The following ECPAS variants were observed in gnomAD, a reference collection of about 807,000 sequenced individuals.
ECPAS encodes Ecm29 proteasome adaptor and scaffold, also known as proteasome adapter and scaffold protein ECM29.
ECPAS carries 70 observed loss-of-function variants against 255.1 expected under a neutral mutation model. That is an observed-to-expected ratio of 0.27 (90% CI 0.23 to 0.33). ECPAS has a LOEUF of 0.33. Among genes scored for constraint, ECPAS ranks in the 10% least tolerant of loss-of-function variants. The pLI is 1.00. For synonymous variants in ECPAS, 784 were observed against 775.0 expected (o/e 1.01, Z -0.19); for missense variants, 1,817 against 2,206.4 (o/e 0.82, Z 3.54).
chr9:111,365,542 T>G (rs2098119417), intron 48 of ECPAS: 1 of 152,738 alleles, frequency 6.5e-6, no homozygotes, highest in South Asian at 2.1e-4. Context: ...AGTACACACT[T>G]GTAATCCCAG....
chr9:111,469,812 AAAAAAAAAGACGCCATCTC>A (rs2098284635), intron 2 of ECPAS, among the ~76,000 whole-genome samples: 1 of 152,126 alleles, frequency 6.6e-6, no homozygotes, highest in Admixed American at 6.5e-5. Flanking sequence ...CTGTCTCAAA[AAAAAAAAAGACGCCATCTC>A]AAAAAAAAGA....
At chr9:111,482,232 C>T (rs1405617091) in intron 1 of ECPAS, among the ~76,000 whole-genome samples, 8 of 152,300 alleles carry the variant, frequency 5.3e-5, no homozygotes, top group African/African-American at 4.8e-5. Flanking sequence ...CACCATGAGA[C>T]CTTGTCTCCT....
At chr9:111,441,910 C>A (rs1306733193) in intron 5 of ECPAS, among the ~76,000 whole-genome samples, 1 of 152,204 alleles carries the variant, frequency 6.6e-6, no homozygotes, top group Non-Finnish European at 1.5e-5. Flanking sequence ...TTCACCGCAC[C>A]ACTTCCCAAA....
chr9:111,407,468 T>G (rs1336392279), intron 24 of ECPAS, among the ~76,000 whole-genome samples: 1 of 119,126 alleles, frequency 8.4e-6, no homozygotes, highest in Non-Finnish European at 1.8e-5. Flanking sequence ...ACTCAGGGAT[T>G]CAAAAAAGGA....
chr9:111,406,230 G>A (rs760629472), intron 24 of ECPAS, among the ~76,000 whole-genome samples: 21 of 149,482 alleles, frequency 1.4e-4, no homozygotes, highest in Admixed American at 3.3e-4. Context: ...CAACATAGAT[G>A]GAACCGGAGG....
chr9:111,473,324 CTG>C (rs1257952945), intron 1 of ECPAS, among the ~76,000 whole-genome samples: 1 of 152,052 alleles, frequency 6.6e-6, no homozygotes, highest in African/African-American at 2.4e-5. Flanking sequence ...AATATATAAA[CTG>C]TTACATTAAT....
chr9:111,391,234 T>C (rs2098159517), intron 29 of ECPAS, among the ~76,000 whole-genome samples: 2 of 151,368 alleles, frequency 1.3e-5, no homozygotes, highest in South Asian at 4.2e-4. Flanking sequence ...CCCAGTAAAT[T>C]TCCCACACAG....
intron 35 of ECPAS, 26 bp downstream of exon 35, chr9:111,383,185 C>T (rs768266140): frequency 1.2e-6 from 2 of 1,611,270 alleles, no homozygotes; most frequent in South Asian, 2.2e-5. Flanking sequence ...AAATCCAATA[C>T]ATTCATTTCA....
intron 8 of ECPAS, among the ~76,000 whole-genome samples, chr9:111,431,484 A>C (rs964432974): frequency 1.3e-5 from 2 of 150,444 alleles, no homozygotes; most frequent in Non-Finnish European, 3.0e-5. Context: ...CTTGAATCCG[A>C]GAGGGGGAGA....
rs779831885 is a variant in ECPAS at position 111,386,438 on chromosome 9, C to A, written c.3466G>T (p.Glu1156Ter). 6.3e-7 allele frequency: 1 copy of A among 1,592,214 alleles called. No homozygotes were observed. The highest frequency in any genetic ancestry group is 8.6e-7 in the Non-Finnish European group (1 of 1,163,448). ...DKSMVDKYLK[E>*]ILQDLVKNLT... ...TTCTTAACCAAATCTTGAAGAATTT[C>A]TTTCAAATATTTATCCACCTAATGA... The change falls in exon 32 of 50, where the codon GAA becomes TAA. Residue 1156 changes from glutamate to a stop codon, truncating the protein, a stop_gained. Coordinates refer to ENST00000684092, the MANE Select transcript of ECPAS (RefSeq NM_001364929.1). LOFTEE classifies it high-confidence loss of function.
intron 1 of ECPAS, among the ~76,000 whole-genome samples, chr9:111,475,441 C>G (rs181705782): frequency 6.6e-6 from 1 of 152,270 alleles, no homozygotes; most frequent in Non-Finnish European, 1.5e-5. Context: ...TAATTCAAAA[C>G]AGAATGTGGT....
intron 29 of ECPAS, among the ~76,000 whole-genome samples, chr9:111,391,168 C>T (rs1288840004): frequency 6.6e-6 from 1 of 152,190 alleles, no homozygotes; most frequent in African/African-American, 2.4e-5. Context: ...GCCCCTCCCT[C>T]AGTCATAGGC....
chr9:111,484,206 C>G lies in ECPAS; in HGVS notation c.-173G>C. The G allele has an allele frequency of 1.4e-6, 2 of 1,472,478 alleles. No homozygotes were observed. Among genetic ancestry groups the G allele is most frequent in the Non-Finnish European group, 1.8e-6 (2 of 1,115,522 alleles). The allele number at this position is 1,472,478 out of a possible 1,614,324, so 91.2% of individuals were successfully genotyped here. A position where few individuals can be genotyped will look rare whatever the true frequency, so the allele number is the denominator to read the frequency against. On this transcript the variant is annotated 5_prime_UTR_variant, in exon 1 of 50. Coordinates refer to ENST00000684092, the MANE Select transcript of ECPAS (RefSeq NM_001364929.1). ...GCGAGGCGTTCGGCGGGCCGGGCCC[C>G]GGGGAGCCGCGCGCCGCAGTCCGTG...
chr9:111,471,976 C>G (rs2098288894), intron 2 of ECPAS, among the ~76,000 whole-genome samples: 1 of 152,132 alleles, frequency 6.6e-6, no homozygotes, highest in South Asian at 2.1e-4. Flanking sequence ...TGGCACACAA[C>G]TATGATCCCA....
chr9:111,437,145 C>T (rs1365825909), intron 6 of ECPAS, 37 bp from the exon 7 acceptor site: 4 of 1,516,392 alleles, frequency 2.6e-6, no homozygotes, highest in African/African-American at 1.4e-5. Flanking sequence ...TCTATAAATA[C>T]AAAAGCATTT....
chr9:111,363,711 C>T (rs2098116870), intron 48 of ECPAS, 52 bp from the exon 49 acceptor site: 6 of 839,144 alleles, frequency 7.2e-6, no homozygotes, highest in South Asian at 1.5e-5. Context: ...AACACAACCT[C>T]CAAGATTAAA....
chr9:111,421,449 G>GTA (rs1428754031), intron 15 of ECPAS, among the ~76,000 whole-genome samples: 2 of 142,176 alleles, frequency 1.4e-5, no homozygotes, highest in South Asian at 2.2e-4. Flanking sequence ...GTGTGTGTGT[G>GTA]TATCTACAGA....
rs748749116 is a variant in ECPAS, at chr9:111,384,564, A to T, written c.3639T>A (p.Ser1213=). 6.2e-7 allele frequency: 1 copy of T among 1,613,782 alleles called. No individual in the cohort carries two copies. ...GAGCTAGTTCTGCCGCTTTTCGTAC[A>T]GATTCCTAAAAATGACAAAAGTGTG... ...LFRVQDDIKE[S]VRKAAELALK... Residue 1213 remains serine (S), a synonymous_variant, in exon 34 of 50, where the codon TCT becomes TCA. Transcript: ENST00000684092.
At chr9:111,402,585 T>TA (rs1255089069) in intron 24 of ECPAS, among the ~76,000 whole-genome samples, 7 of 152,142 alleles carry the variant, frequency 4.6e-5, no homozygotes, top group African/African-American at 1.4e-4. Context: ...GACTAAAACA[T>TA]AAACTTTTCA....
Sources: gnomAD v4.1 joint callset for allele counts (sites outside exome capture counted in the v4.1 genomes callset) on GRCh38, gnomAD v4.1.1 for gene constraint, MANE v1.5 for transcripts, NCBI Gene and HGNC (gene_info 2026-07-23, HGNC 2026-07-21) for gene names.